FGD4: variants seen among roughly 807,000 people sequenced by gnomAD.
The protein encoded by FGD4 is FYVE, RhoGEF and PH domain containing 4.
Under a neutral mutation model 102.0 loss-of-function variants are expected in FGD4, and 42 were observed. The observed-to-expected ratio is 0.41, with a 90% confidence interval of 0.32 to 0.53. The LOEUF (loss-of-function observed/expected upper bound fraction) is 0.53. Ranked by LOEUF, FGD4 falls within the 20% of genes least tolerant of loss-of-function variation. FGD4 has a pLI of 0.21. For missense variants in FGD4, 902 were observed against 1,078.2 expected (o/e 0.84, Z 2.29); for synonymous variants, 380 against 375.7 (o/e 1.01, Z -0.13).
intron 10 of FGD4, 84 bp downstream of exon 10, chr12:32,611,367 G>T (rs1949123284): frequency 1.3e-6 from 2 of 1,534,674 alleles, no homozygotes; most frequent in Non-Finnish European, 1.8e-6. Context: ...TGTAATCCCA[G>T]CACTTTGGGA....
intron 1 of FGD4, among the ~76,000 whole-genome samples, chr12:32,421,363 T>G (rs1204785626): frequency 6.6e-6 from 1 of 152,214 alleles, no homozygotes; most frequent in African/African-American, 2.4e-5. Context: ...TCTCTTTGAG[T>G]ATTCATGGAC....
intron 4 of FGD4, among the ~76,000 whole-genome samples, chr12:32,583,332 G>A (rs1332450988): frequency 2.0e-5 from 3 of 152,116 alleles, no homozygotes; most frequent in African/African-American, 4.8e-5. Context: ...GCGAAACCCT[G>A]TCTCAAAAAA....
At chr12:32,610,715 C>T in intron 8 of FGD4, 61 bp from the exon 9 acceptor site, 4 of 1,457,460 alleles carry the variant, frequency 2.7e-6, no homozygotes, top group Non-Finnish European at 3.8e-6. Context: ...AGTTACTCAG[C>T]TATATAGAAG....
At chr12:32,530,956 T>G (rs905965042) in intron 1 of FGD4, among the ~76,000 whole-genome samples, 4 of 131,726 alleles carry the variant, frequency 3.0e-5, no homozygotes, top group South Asian at 2.7e-4. Flanking sequence ...TTTTTTTTTT[T>G]TTTTTTTTTT....
At chr12:32,508,919 C>T (rs1036286743) in intron 1 of FGD4, among the ~76,000 whole-genome samples, 12 of 152,216 alleles carry the variant, frequency 7.9e-5, no homozygotes, top group South Asian at 4.1e-4. Context: ...TGGGTGCGTG[C>T]GCACACACTA....
chr12:32,505,243 C>A (rs1448155799), intron 1 of FGD4, among the ~76,000 whole-genome samples: 1 of 152,128 alleles, frequency 6.6e-6, no homozygotes, highest in Non-Finnish European at 1.5e-5. Flanking sequence ...TCCCACAATG[C>A]CATATTACCA....
At chr12:32,626,261 A>G (rs1022379334) in intron 14 of FGD4, among the ~76,000 whole-genome samples, 2 of 152,138 alleles carry the variant, frequency 1.3e-5, no homozygotes, top group Non-Finnish European at 2.9e-5. Context: ...CCTGACCAAC[A>G]TGGTGAAATC....
chr12:32,410,490 G>GAA (rs368173697), intron 1 of FGD4, among the ~76,000 whole-genome samples: 2 of 142,722 alleles, frequency 1.4e-5, no homozygotes, highest in African/African-American at 5.1e-5. Flanking sequence ...GTCTCAAAAA[G>GAA]AAAAAAAAAA....
intron 1 of FGD4, among the ~76,000 whole-genome samples, chr12:32,437,552 A>T (rs77526855): frequency 2.7e-4 from 41 of 152,366 alleles, no homozygotes; most frequent in African/African-American, 9.9e-4. Context: ...CTACACGGAT[A>T]TCCGTGGTAT....
At chr12:32,458,037 G>A (rs180936566) in intron 1 of FGD4, among the ~76,000 whole-genome samples, 46 of 149,436 alleles carry the variant, frequency 3.1e-4, no homozygotes, top group African/African-American at 1.1e-3. Flanking sequence ...CCATTTCTCT[G>A]CTTGGGAGTA....
chr12:32,526,677 G>C (rs1941252879), intron 1 of FGD4, among the ~76,000 whole-genome samples: 1 of 152,164 alleles, frequency 6.6e-6, no homozygotes. Flanking sequence ...TTCGCTATTT[G>C]CGATAAATCT....
At chr12:32,493,611 C>G (rs186077695) in intron 1 of FGD4, among the ~76,000 whole-genome samples, 2 of 152,180 alleles carry the variant, frequency 1.3e-5, no homozygotes, top group Non-Finnish European at 2.9e-5. Flanking sequence ...CCAGGCTTAG[C>G]GTTATCTTCA....
At chr12:32,601,547 A>G in intron 6 of FGD4, 124 bp downstream of exon 6, 1 of 1,153,376 alleles carries the variant, frequency 8.7e-7, no homozygotes, top group Non-Finnish European at 1.2e-6. Context: ...TTTTACATTA[A>G]AGACTACTGA....
intron 3 of FGD4, among the ~76,000 whole-genome samples, chr12:32,579,011 T>C (rs1750552418): frequency 6.6e-6 from 1 of 150,746 alleles, no homozygotes; most frequent in Non-Finnish European, 1.5e-5. Context: ...GAAATAAGAA[T>C]ATGTTTCTAC....
rs1221600331 is a variant in FGD4 at position 32,599,490 on chromosome 12, G to A, written c.1101+904G>A. Among the ~76,000 whole-genome samples the A allele has an allele frequency of 3.3e-4, 13 of 39,230 alleles. 2 individuals carry two copies. The highest frequency in any genetic ancestry group is 5.7e-4 in the African/African-American group (2 of 3,526). 25.7% of individuals were successfully genotyped at this position (39,230 alleles called of 152,430 possible). ...AGCCTGGGTGACAGAGCGAGACTCC[G>A]TCTCAAAAAAAAAAAAAAGAATAAC... On this transcript the variant is annotated intron_variant, in intron 5 of 16. Coordinates refer to ENST00000534526, the MANE Select transcript of FGD4 (RefSeq NM_001370298.3).
At chr12:32,466,207 G>C (rs192971179) in intron 1 of FGD4, among the ~76,000 whole-genome samples, 34 of 152,266 alleles carry the variant, frequency 2.2e-4, no homozygotes, top group African/African-American at 7.5e-4. Context: ...AAAAGTTTGC[G>C]ACTAGCTTTG....
intron 1 of FGD4, among the ~76,000 whole-genome samples, chr12:32,436,098 T>C (rs1291181491): frequency 6.6e-6 from 1 of 152,218 alleles, no homozygotes; most frequent in African/African-American, 2.4e-5. Context: ...TGTAAATGTC[T>C]GGAACAAGTT....
chr12:32,621,889 CTT>C (rs11362941), intron 11 of FGD4, among the ~76,000 whole-genome samples: 121 of 144,326 alleles, frequency 8.4e-4, no homozygotes, highest in Admixed American at 1.0e-3. Context: ...ACAGGGAACA[CTT>C]TTTTTTTTTT....
At chr12:32,526,692 G>A (rs1278474678) in intron 1 of FGD4, among the ~76,000 whole-genome samples, 2 of 152,172 alleles carry the variant, frequency 1.3e-5, no homozygotes, top group Non-Finnish European at 2.9e-5. Flanking sequence ...AAATCTTGCT[G>A]CTGCTCACTC....
Sources: allele counts gnomAD v4.1 joint callset (sites outside exome capture counted in the v4.1 genomes callset), GRCh38; gene constraint gnomAD v4.1.1; transcripts MANE v1.5; gene names NCBI Gene and HGNC (gene_info 2026-07-23, HGNC 2026-07-21).